The following ZNF385D variants were observed in gnomAD, a reference collection of about 807,000 sequenced individuals.
The protein encoded by ZNF385D is zinc finger protein 385D.
ZNF385D carries 15 observed loss-of-function variants against 35.8 expected under a neutral mutation model. The observed-to-expected ratio is 0.42, with a 90% confidence interval of 0.28 to 0.64. The LOEUF (loss-of-function observed/expected upper bound fraction) is 0.64, where lower values mean the gene tolerates loss of function less well. Among genes scored for constraint, ZNF385D ranks in the 30% least tolerant of loss-of-function variants. The probability of loss-of-function intolerance (pLI) is 0.23; values close to 1 mark genes in which losing one functional copy is unlikely to be tolerated. For missense variants in ZNF385D, 474 were observed against 494.6 expected, an observed-to-expected ratio of 0.96 and a Z score of 0.39; for synonymous variants, 212 against 186.8, an observed-to-expected ratio of 1.13 and a Z score of -1.10.
intron 6 of ZNF385D, among the ~76,000 whole-genome samples, chr3:21,424,293 A>C: frequency 1.2e-5 from 1 of 82,274 alleles, no homozygotes; most frequent in South Asian, 5.0e-4. Flanking sequence ...ATACTTATAT[A>C]TATATATTTA....
chr3:21,819,127 C>T (rs556788295), intron 3 of ZNF385D, among the ~76,000 whole-genome samples: 13 of 151,588 alleles, frequency 8.6e-5, no homozygotes, highest in Non-Finnish European at 1.6e-4. Context: ...CTGTTAAGTG[C>T]TTTAATCACT....
At chr3:22,240,756 T>C (rs538922388) in intron 2 of ZNF385D, among the ~76,000 whole-genome samples, 1 of 151,122 alleles carries the variant, frequency 6.6e-6, no homozygotes, top group South Asian at 2.2e-4. Context: ...ATTGTACTTG[T>C]ATATGTCTCC....
At chr3:21,952,566 C>T (rs1702113215) in intron 3 of ZNF385D, among the ~76,000 whole-genome samples, 1 of 151,876 alleles carries the variant, frequency 6.6e-6, no homozygotes, top group South Asian at 2.1e-4. Flanking sequence ...CCCCCTAAAC[C>T]TCAGTTTTCT....
rs535859473 is a variant in ZNF385D, at chr3:22,240,824, C to T, written c.107-71789G>A. Among the ~76,000 whole-genome samples, 8 of 151,086 alleles carry T rather than the reference C, an allele frequency of 5.3e-5. 1 individual carries two copies. The highest frequency in any genetic ancestry group is 2.2e-4 in the South Asian group (1 of 4,592). ...AACAGCTAGCACATGTGTAATATCTCCCCCTAAGCCTTCCTTGGCCCTCCT... is the reference window on the plus strand; with the variant it reads ...AACAGCTAGCACATGTGTAATATCTTCCCCTAAGCCTTCCTTGGCCCTCCT... On this transcript the variant is annotated intron_variant, in intron 2 of 5. Transcript: ENST00000494108.
intron 3 of ZNF385D, among the ~76,000 whole-genome samples, chr3:21,950,068 A>AGTAACTATGATGGTTTCCTCTCTCCT (rs1701991309): frequency 5.9e-5 from 9 of 152,058 alleles, no homozygotes; most frequent in African/African-American, 1.9e-4. Context: ...TTGGGTATAT[A>AGTAACTATGATGGTTTCCTCTCTCCT]CCCAGTAATG....
chr3:22,324,685 C>A (rs140846159), intron 2 of ZNF385D, among the ~76,000 whole-genome samples: 3 of 152,042 alleles, frequency 2.0e-5, no homozygotes, highest in African/African-American at 7.2e-5. Context: ...ATTTGACAAG[C>A]TAATTCTAAA....
At chr3:21,618,062 CA>C (rs913273327) in intron 2 of ZNF385D, among the ~76,000 whole-genome samples, 1 of 151,262 alleles carries the variant, frequency 6.6e-6, no homozygotes, top group Admixed American at 6.6e-5. Context: ...CACCTCCCTG[CA>C]AAAAAAAGAT....
chr3:22,107,928 A>G (rs1277918468), intron 3 of ZNF385D, among the ~76,000 whole-genome samples: 1 of 151,080 alleles, frequency 6.6e-6, no homozygotes, highest in Non-Finnish European at 1.5e-5. Context: ...GGCCGTGAGG[A>G]CTCCTCCCTC....
chr3:21,737,548 T>C (rs1466773729), intron 1 of ZNF385D, among the ~76,000 whole-genome samples: 1 of 152,018 alleles, frequency 6.6e-6, no homozygotes, highest in Non-Finnish European at 1.5e-5. Flanking sequence ...CTCCCTTCCA[T>C]AGAATTTAGT....
chr3:21,463,809 G>C (rs570198959), intron 4 of ZNF385D, among the ~76,000 whole-genome samples: 4 of 152,206 alleles, frequency 2.6e-5, no homozygotes, highest in Admixed American at 2.0e-4. Context: ...GGATAGAGCT[G>C]AATGTTTACA....
intron 2 of ZNF385D, among the ~76,000 whole-genome samples, chr3:21,606,268 ATGGG>A (rs1559453907): frequency 6.6e-6 from 1 of 152,152 alleles, no homozygotes; most frequent in African/African-American, 2.4e-5. Context: ...CTTCAGGACA[ATGGG>A]TGGTAATGAT....
chr3:21,903,450 G>T (rs1044391546), intron 3 of ZNF385D, among the ~76,000 whole-genome samples: 2 of 152,078 alleles, frequency 1.3e-5, no homozygotes, highest in African/African-American at 4.8e-5. Flanking sequence ...AGTCTCTGAG[G>T]CTGGCTTCAT....
At chr3:22,253,732 A>G (rs1431236080) in intron 2 of ZNF385D, among the ~76,000 whole-genome samples, 1 of 151,974 alleles carries the variant, frequency 6.6e-6, no homozygotes, top group Non-Finnish European at 1.5e-5. Flanking sequence ...AATAACTTAG[A>G]AAATATTGCA....
intron 3 of ZNF385D, among the ~76,000 whole-genome samples, chr3:21,938,870 A>G (rs1301641514): frequency 2.6e-5 from 4 of 152,074 alleles, no homozygotes; most frequent in Admixed American, 1.3e-4. Flanking sequence ...TTTTACTTTA[A>G]TTTTATTCGT....
chr3:21,423,926 G>A (rs1020489324), intron 7 of ZNF385D, 37 bp downstream of exon 7: 3 of 1,573,160 alleles, frequency 1.9e-6, no homozygotes, highest in Non-Finnish European at 2.6e-6. Flanking sequence ...AATTCCATTT[G>A]GGAATAGAGG....
intron 3 of ZNF385D, among the ~76,000 whole-genome samples, chr3:21,927,179 G>A (rs1700770149): frequency 6.6e-6 from 1 of 151,940 alleles, no homozygotes; most frequent in Admixed American, 6.6e-5. Context: ...TTCTCCTTTA[G>A]CCATGGATAG....
At chr3:22,063,278 ATT>A (rs1260315421) in intron 3 of ZNF385D, among the ~76,000 whole-genome samples, 2 of 152,166 alleles carry the variant, frequency 1.3e-5, no homozygotes, top group African/African-American at 4.8e-5. Context: ...TTCCTAGAAC[ATT>A]GTCTGATTAA....
intron 3 of ZNF385D, among the ~76,000 whole-genome samples, chr3:21,951,168 C>T (rs1391885990): frequency 1.3e-5 from 2 of 151,772 alleles, no homozygotes; most frequent in East Asian, 1.9e-4. Flanking sequence ...CTGATTCTTC[C>T]TGTCCATGAA....
chr3:21,495,475 G>T (rs1705763854), intron 4 of ZNF385D, among the ~76,000 whole-genome samples: 1 of 152,064 alleles, frequency 6.6e-6, no homozygotes, highest in Non-Finnish European at 1.5e-5. Context: ...ATGAAATTAA[G>T]GCAGAAATCA....
Sources: allele counts gnomAD v4.1 joint callset (sites outside exome capture counted in the v4.1 genomes callset), GRCh38; gene constraint gnomAD v4.1.1; transcripts MANE v1.5; gene names NCBI Gene and HGNC (gene_info 2026-07-23, HGNC 2026-07-21).